Variants in KCNN2 observed in about 807,000 individuals in gnomAD.
The protein encoded by KCNN2 is small conductance calcium-activated potassium channel protein 2.
Under a neutral mutation model 55.5 loss-of-function variants are expected in KCNN2, and 24 were observed. The ratio of observed to expected loss-of-function variants is 0.43; its 90% confidence interval spans 0.31 to 0.61. KCNN2 has a LOEUF of 0.61. Among genes scored for constraint, KCNN2 ranks in the 20% least tolerant of loss-of-function variants. KCNN2 has a pLI of 0.08. For missense variants in KCNN2, 754 were observed against 853.6 expected (o/e 0.88, Z 1.45); for synonymous variants, 431 against 336.1 (o/e 1.28, Z -3.09).
chr5:114,074,417 T>C (rs1750644906), intron 1 of KCNN2, among the ~76,000 whole-genome samples: 1 of 152,098 alleles, frequency 6.6e-6, no homozygotes, highest in South Asian at 2.1e-4. Context: ...TACCATGAGT[T>C]GTTATTAAAC....
At chr5:114,378,880 C>T (rs1436828993) in intron 2 of KCNN2, among the ~76,000 whole-genome samples, 2 of 152,020 alleles carry the variant, frequency 1.3e-5, no homozygotes, top group Non-Finnish European at 2.9e-5. Flanking sequence ...CTGTATTTTG[C>T]CCTAAGAAAG....
intron 2 of KCNN2, among the ~76,000 whole-genome samples, chr5:114,364,763 A>G (rs1757552608): frequency 6.6e-6 from 1 of 152,124 alleles, no homozygotes; most frequent in African/African-American, 2.4e-5. Flanking sequence ...AAGGCTTTTA[A>G]ATTAAAATAA....
chr5:114,056,245 C>G (rs1253163288), exon 1 of KCNN2: 1 of 396,462 alleles, frequency 2.5e-6, no homozygotes, highest in Non-Finnish European at 4.4e-6. Context: ...GCTCTCTGCT[C>G]CCCGAAGCTG....
chr5:114,078,897 G>T (rs140595800), intron 1 of KCNN2, among the ~76,000 whole-genome samples: 1 of 152,136 alleles, frequency 6.6e-6, no homozygotes, highest in East Asian at 1.9e-4. Flanking sequence ...GTGCAGATGG[G>T]GTATTTACAA....
chr5:114,474,027 G>T (rs1027028062), intron 5 of KCNN2, among the ~76,000 whole-genome samples: 4 of 152,140 alleles, frequency 2.6e-5, no homozygotes, highest in African/African-American at 4.8e-5. Context: ...TGTAACTACT[G>T]CTCAATGTGG....
At chr5:114,264,274 A>G (rs1447403522) in intron 2 of KCNN2, among the ~76,000 whole-genome samples, 1 of 152,066 alleles carries the variant, frequency 6.6e-6, no homozygotes, top group East Asian at 1.9e-4. Flanking sequence ...CCCTTTCTGT[A>G]TATGAATTAT....
intron 2 of KCNN2, among the ~76,000 whole-genome samples, chr5:114,237,256 T>A (rs58540335): frequency 1.4e-5 from 2 of 138,510 alleles, no homozygotes; most frequent in East Asian, 2.2e-4. Context: ...TTGTCAAAAT[T>A]CACACACACA....
At chr5:114,356,899 A>G (rs1757303108) in intron 2 of KCNN2, among the ~76,000 whole-genome samples, 1 of 152,082 alleles carries the variant, frequency 6.6e-6, no homozygotes, top group Non-Finnish European at 1.5e-5. Flanking sequence ...TACTGTGCTA[A>G]GGAAATAAAT....
chr5:114,418,674 C>T (rs1024851625), intron 3 of KCNN2, among the ~76,000 whole-genome samples: 7 of 152,120 alleles, frequency 4.6e-5, no homozygotes, highest in Non-Finnish European at 8.8e-5. Flanking sequence ...TTTGAGTAAC[C>T]CTAAAGCAGC....
At chr5:114,427,911 T>TTCAAAC (rs1759676900) in intron 3 of KCNN2, among the ~76,000 whole-genome samples, 1 of 152,344 alleles carries the variant, frequency 6.6e-6, no homozygotes, top group East Asian at 1.9e-4. Flanking sequence ...AAAGTGCTAA[T>TTCAAAC]TCAGACTTAT....
chr5:114,431,580 T>C lies in KCNN2; in HGVS notation c.1637+26724T>C, dbSNP rs534880402. On this transcript the variant is annotated intron_variant, in intron 3 of 7. Transcript: ENST00000673685. ...CATTGACTTACTGTTTTCCACTTCA[T>C]TGATATCTGCTCTAATTTTTTAATT... Among the ~76,000 whole-genome samples, 7 of 152,238 alleles carry C rather than the reference T, an allele frequency of 4.6e-5. No homozygotes were observed. In the South Asian group the frequency reaches 1.2e-3, roughly 27 times the overall value.
rs188611291 is a variant in KCNN2 at position 114,270,334 on chromosome 5, C to G, written c.-185+48769C>G. On this transcript the variant is annotated intron_variant, in intron 2 of 10. Transcript: ENST00000512097. ...TTATATCAAATTTCAGTCTTTAGGA[C>G]AAGAATGCGCTAACATACTATAAAA... Among the ~76,000 whole-genome samples the G allele has an allele frequency of 3.7e-3, 556 of 152,230 alleles. 5 individuals carry two copies. Among genetic ancestry groups the G allele is most frequent in the African/African-American group, 0.013 (541 of 41,542 alleles).
At chr5:114,173,438 TTGTGTGTGTGTGTGTGTGTGTGTGTG>T (rs61630138) in intron 1 of KCNN2, among the ~76,000 whole-genome samples, 1 of 142,100 alleles carries the variant, frequency 7.0e-6, no homozygotes, top group Non-Finnish European at 1.5e-5. Context: ...TTTGTTTTGT[TTGTGTGTGTGTGTGTGTGTGTGTGTG>T]TGTGTGTGTG....
intron 1 of KCNN2, among the ~76,000 whole-genome samples, chr5:114,156,892 T>C (rs893972511): frequency 6.6e-6 from 1 of 152,148 alleles, no homozygotes; most frequent in African/African-American, 2.4e-5. Context: ...ACATAGCTTA[T>C]AGTCTACTGA....
At chr5:114,229,650 A>G (rs61426245) in intron 2 of KCNN2, among the ~76,000 whole-genome samples, 7,743 of 152,140 alleles carry the variant, frequency 0.051, 216 homozygotes, top group South Asian at 0.076. Flanking sequence ...AGATGTTAAT[A>G]TATTTCAAAT....
At chr5:114,092,445 A>G (rs1466916206) in intron 1 of KCNN2, among the ~76,000 whole-genome samples, 1 of 152,146 alleles carries the variant, frequency 6.6e-6, no homozygotes, top group East Asian at 1.9e-4. Context: ...TTTTCCAGGT[A>G]CATGGTGCAA....
intron 3 of KCNN2, among the ~76,000 whole-genome samples, chr5:114,428,866 C>G (rs372918342): frequency 6.6e-6 from 1 of 152,052 alleles, no homozygotes; most frequent in African/African-American, 2.4e-5. Flanking sequence ...TAGCAATATG[C>G]ATTTAAGATT....
At chr5:114,419,123 A>T (rs972376945) in intron 3 of KCNN2, among the ~76,000 whole-genome samples, 3 of 152,254 alleles carry the variant, frequency 2.0e-5, no homozygotes, top group South Asian at 2.1e-4. Flanking sequence ...AGGGAAAAAT[A>T]GCAGCAAGGA....
intron 2 of KCNN2, among the ~76,000 whole-genome samples, chr5:114,254,924 A>G (rs1232986460): frequency 1.3e-5 from 2 of 152,022 alleles, no homozygotes; most frequent in Non-Finnish European, 2.9e-5. Context: ...TATTTACCAA[A>G]AAAACAATCT....
Sources: allele counts gnomAD v4.1 joint callset (sites outside exome capture counted in the v4.1 genomes callset), GRCh38; gene constraint gnomAD v4.1.1; transcripts MANE v1.5; gene names NCBI Gene and HGNC (gene_info 2026-07-23, HGNC 2026-07-21).